The following TTN variants were observed in gnomAD, a reference collection of about 807,000 sequenced individuals.
The protein encoded by TTN is titin.
Under a neutral mutation model 3,223.0 loss-of-function variants are expected in TTN, and 1,525 were observed. That is an observed-to-expected ratio of 0.47 (90% CI 0.45 to 0.49). The LOEUF is 0.49. Among genes scored for constraint, TTN ranks in the 20% least tolerant of loss-of-function variants. TTN has a pLI of 0.00. For missense variants in TTN, 40,786 were observed against 43,424.0 expected (o/e 0.94, Z 5.40); for synonymous variants, 14,094 against 15,161.0 (o/e 0.93, Z 5.17).
Position 178,572,062 on chromosome 2 carries a change from T to C in TTN, c.74070A>G (p.Ser24690=), listed in dbSNP as rs1333939451. Residue 24690 remains serine, a synonymous_variant, in exon 326 of 363, where the codon TCA becomes TCG. Coordinates refer to ENST00000589042, the MANE Select transcript of TTN (RefSeq NM_001267550.2). The part of the protein sequence containing the change: ...IQGEEYSFRV[S]AQNEKGISDP... ...CACTGATGCCCTTTTCATTCTGAGC[T>C]GAAACACGGAAAGAGTATTCTTCAC... 1 of 1,613,174 alleles carries C rather than the reference T, an allele frequency of 6.2e-7. No individual in the cohort carries two copies. Among genetic ancestry groups the C allele is most frequent in the African/African-American group, 1.3e-5 (1 of 74,876 alleles).
In TTN at chr2:178,572,502, G is replaced by C; in HGVS notation, c.73630C>G (p.Leu24544Val). 1 of 1,613,348 alleles carries C rather than the reference G, an allele frequency of 6.2e-7. No homozygotes were observed. Among genetic ancestry groups the C allele is most frequent in the African/African-American group, 1.3e-5 (1 of 75,018 alleles). Residue 24544 changes from leucine (L) to valine (V), a missense_variant, in exon 326 of 363, where the codon CTC becomes GTC. Leu to Val is a conservative substitution (Grantham distance 32, BLOSUM62 1). Coordinates refer to ENST00000589042, the MANE Select transcript of TTN (RefSeq NM_001267550.2). ...TTGATTTTTGAACCTCCATCAAGGA[G>C]AGGTGGGTCCCATGTGAGTGTGACA... Reference protein sequence around the residue: ...TSVTLTWDPPLLDGGSKIKNY... With the variant: ...TSVTLTWDPPVLDGGSKIKNY...
chr2:178,736,701 T>A (rs1408982753), intron 49 of TTN, among the ~76,000 whole-genome samples: 1 of 152,198 alleles, frequency 6.6e-6, no homozygotes, highest in African/African-American at 2.4e-5. Flanking sequence ...CCTCTTATTA[T>A]CTGAAGCTTC....
chr2:178,551,576 G>T, intron 335 of TTN, 54 bp downstream of exon 335: 2 of 1,402,328 alleles, frequency 1.4e-6, no homozygotes. Context: ...TGATATATTT[G>T]TTTCTAATAT....
chr2:178,578,520 G>A, intron 321 of TTN, 91 bp downstream of exon 321: 3 of 973,616 alleles, frequency 3.1e-6, no homozygotes, highest in Non-Finnish European at 4.7e-6. Flanking sequence ...AGCAGATAAT[G>A]TTATCGATAA....
At chr2:178,745,484 T>C in intron 47 of TTN, 2 of 1,542,790 alleles carry the variant, frequency 1.3e-6, no homozygotes, top group Non-Finnish European at 1.7e-6. Flanking sequence ...AATTCAAATA[T>C]GGTGGACCTG....
At chr2:178,769,967 TAATACAA>T (rs1341887322) in intron 36 of TTN, 28 bp from the exon 37 acceptor site, 1 of 1,614,146 alleles carries the variant, frequency 6.2e-7, no homozygotes. Flanking sequence ...GCACTTCAGT[TAATACAA>T]TTTGTTTAAA....
rs749904130 is a variant in TTN at position 178,582,923 on chromosome 2, T to C, written c.65863+17A>G. 1.4e-6 allele frequency: 2 copies of C among 1,473,780 alleles called. No homozygotes were observed. Among genetic ancestry groups the C allele is most frequent in the East Asian group, 2.3e-5 (1 of 42,672 alleles). 91.3% of individuals were successfully genotyped at this position (1,473,780 alleles called of 1,614,324 possible). ...TCCAAAGTAAAATATGGGATTCCAATGAAGTTTATTAGTTACCTAACACTT... is the reference window on the plus strand; with the variant it reads ...TCCAAAGTAAAATATGGGATTCCAACGAAGTTTATTAGTTACCTAACACTT... On this transcript the variant is annotated intron_variant, in intron 313 of 362. Coordinates refer to ENST00000589042, the MANE Select transcript of TTN (RefSeq NM_001267550.2).
chr2:178,801,361 CT>C (rs1372186810), intron 3 of TTN, among the ~76,000 whole-genome samples: 3 of 152,174 alleles, frequency 2.0e-5, no homozygotes, highest in Admixed American at 2.0e-4. Context: ...ACAGCAGGTG[CT>C]GCCAACCCTG....
At chr2:178,681,574 C>T in intron 136 of TTN, 87 bp downstream of exon 136, 1 of 1,469,220 alleles carries the variant, frequency 6.8e-7, no homozygotes, top group East Asian at 2.3e-5. Flanking sequence ...AATTTGTACA[C>T]TGCCACTTTT....
In TTN at chr2:178,582,100, T is replaced by C. The variant is rs760647730; in HGVS notation, c.66269A>G (p.Tyr22090Cys). The change falls in exon 315 of 363, where the codon TAT (tyrosine) becomes TGT (cysteine). Residue 22090 changes from tyrosine to cysteine, a missense_variant. Coordinates refer to ENST00000589042, the MANE Select transcript of TTN (RefSeq NM_001267550.2). ...CTGGGTTTCCCGCTTTTCAAGCAAA[T>C]AGCCAGTGATGGGTGAGCCCCCATC... ...ADDGGSPITG[Y>C]LLEKRETQAV... 3 of 1,612,934 alleles carry C rather than the reference T, an allele frequency of 1.9e-6. No homozygotes were observed. The highest frequency in any genetic ancestry group is 2.5e-6 in the Non-Finnish European group (3 of 1,179,512).
Position 178,727,337 on chromosome 2 carries a change from G to A in TTN, c.20028C>T (p.Ser6676=), listed in dbSNP as rs988270222. The A allele has an allele frequency of 1.2e-6, 2 of 1,606,736 alleles. No individual in the cohort carries two copies. Among genetic ancestry groups the A allele is most frequent in the Admixed American group, 3.4e-5 (2 of 59,192 alleles). Residue 6676 remains serine (S), a synonymous_variant, in exon 69 of 363, where the codon TCC becomes TCT. Transcript: ENST00000589042. ...PPKFVKKLEA[S]KIVKAGDSSR... Reference sequence around the variant, plus strand: ...AAGAGTCACCTGCTTTCACAATTTTGGAGGCTTCTAATTTCTTTACAAACT... The same window carrying A: ...AAGAGTCACCTGCTTTCACAATTTTAGAGGCTTCTAATTTCTTTACAAACT...
rs1286938486 is a variant in TTN, at chr2:178,578,629, C to G, written c.68311G>C (p.Gly22771Arg). 3.1e-6 allele frequency: 5 copies of G among 1,611,126 alleles called. No individual in the cohort carries two copies. The highest frequency in any genetic ancestry group is 4.2e-6 in the Non-Finnish European group (5 of 1,178,630). ...SLTWTDPKKT[G>R]GSPITGYHLE... Reference sequence around the variant, plus strand: ...AAAATACCTGTAATTGGAGAACCACCAGTTTTCTTGGGGTCAGTCCAAGTT... The same window carrying G: ...AAAATACCTGTAATTGGAGAACCACGAGTTTTCTTGGGGTCAGTCCAAGTT... The change falls in exon 321 of 363, where the codon GGT becomes CGT. Residue 22771 changes from glycine to arginine, a missense_variant. Physicochemically the swap from Gly to Arg is moderately radical, Grantham distance 125. Coordinates refer to ENST00000589042, the MANE Select transcript of TTN (RefSeq NM_001267550.2).
chr2:178,746,425 C>T, intron 47 of TTN: 1 of 1,610,448 alleles, frequency 6.2e-7, no homozygotes, highest in Non-Finnish European at 8.5e-7. Context: ...TCACCTGCTT[C>T]TCAAATTCTT....
In TTN at chr2:178,753,178, G is replaced by C. The variant is rs1209866675; in HGVS notation, c.11257C>G (p.Pro3753Ala). ...TSAVLSVEGA[P>A]ESILHERIEQ... ...ATCCTCTCATGCAAAATTGATTCAG[G>C]AGCTAAAATAGAAAAACATATAAAG... is the stretch of plus-strand genomic sequence containing the variant. Residue 3753 changes from proline to alanine, a missense_variant and splice_region_variant, in exon 47 of 363, where the codon CCT becomes GCT. Coordinates refer to ENST00000589042, the MANE Select transcript of TTN (RefSeq NM_001267550.2). 2 of 1,606,744 alleles carry C rather than the reference G, an allele frequency of 1.2e-6. No individual in the cohort carries two copies. Among genetic ancestry groups the C allele is most frequent in the South Asian group, 2.2e-5 (2 of 90,276 alleles).
Position 178,781,137 on chromosome 2 carries a change from A to G in TTN, c.3507T>C (p.Ala1169=). 1.2e-6 allele frequency: 2 copies of G among 1,614,006 alleles called. No homozygotes were observed. The highest frequency in any genetic ancestry group is 1.7e-6 in the Non-Finnish European group (2 of 1,179,940). Residue 1169 remains alanine (A), a synonymous_variant, in exon 21 of 363, where the codon GCT becomes GCC. Transcript: ENST00000589042. ...RNKHGETSAS[A]SLLEEADYEL... ...TGCACTTACCTTCTTCAAGCAAGGA[A>G]GCAGATGCAGAAGTTTCTCCATGCT...
Position 178,597,752 on chromosome 2 carries a change from G to T in TTN, c.57330C>A (p.Ile19110=), listed in dbSNP as rs1259596842. 6.2e-7 allele frequency: 1 copy of T among 1,613,196 alleles called. No homozygotes were observed. The highest frequency in any genetic ancestry group is 8.5e-7 in the Non-Finnish European group (1 of 1,179,538). The part of the protein sequence containing the change: ...DRIVVHAGGV[I]RIIAYVSGKP... The stretch of plus-strand genomic sequence containing the variant: ...TTCCAGACACATAGGCAATGATTCG[G>T]ATCACCCCTCCAGCATGGACAACAA... The change falls in exon 294 of 363, where the codon ATC becomes ATA. Residue 19110 remains isoleucine, a synonymous_variant. Transcript: ENST00000589042.
chr2:178,724,612 A>G, intron 71 of TTN, 74 bp from the exon 72 acceptor site: 1 of 1,427,532 alleles, frequency 7.0e-7, no homozygotes, highest in Non-Finnish European at 9.2e-7. Context: ...ATTCACTAAG[A>G]TTGTTTCTCC....
chr2:178,527,573 C>A lies in TTN; in HGVS notation c.107553G>T (p.Met35851Ile). Residue 35851 changes from methionine (M) to isoleucine (I), a missense_variant, in exon 362 of 363, where the codon ATG (methionine) becomes ATT (isoleucine). Met to Ile is a conservative substitution (Grantham distance 10). Coordinates refer to ENST00000589042, the MANE Select transcript of TTN (RefSeq NM_001267550.2). ...SSMTEMKFASMSAQSMSSMQE... is the reference protein window; with the variant it reads ...SSMTEMKFASISAQSMSSMQE... ...GCATGGAGGACATGCTTTGGGCAGA[C>A]ATGCTTGCAAATTTCATCTCAGTCA... 1 of 1,614,016 alleles carries A rather than the reference C, an allele frequency of 6.2e-7. No individual in the cohort carries two copies. The highest frequency in any genetic ancestry group is 8.5e-7 in the Non-Finnish European group (1 of 1,179,882).
rs1686348498 is a variant in TTN, at chr2:178,526,156, T to C, written c.*856A>G. On this transcript the variant is annotated 3_prime_UTR_variant, in exon 363 of 363. Coordinates refer to ENST00000589042, the MANE Select transcript of TTN (RefSeq NM_001267550.2). The stretch of plus-strand genomic sequence containing the variant: ...ATTTAACAACAGCTTTATTTTGTTG[T>C]TGTTCTTTACTTTTTGCTGTGGCTC... 6.5e-6 allele frequency: 1 copy of C among 152,690 alleles called. No individual in the cohort carries two copies. The highest frequency in any genetic ancestry group is 2.4e-5 in the African/African-American group (1 of 41,466). 9.5% of individuals were successfully genotyped at this position (152,690 alleles called of 1,614,324 possible).
Sources: gnomAD v4.1 joint callset for allele counts (sites outside exome capture counted in the v4.1 genomes callset) on GRCh38, gnomAD v4.1.1 for gene constraint, MANE v1.5 for transcripts, NCBI Gene and HGNC (gene_info 2026-07-23, HGNC 2026-07-21) for gene names.